KLF12: variants seen among roughly 807,000 people sequenced by gnomAD.
The protein encoded by KLF12 is Krueppel-like factor 12.
In KLF12, 9 loss-of-function variants were observed where a neutral mutation model predicts 37.8. The ratio of observed to expected loss-of-function variants is 0.24; its 90% CI spans 0.14 to 0.42. The LOEUF (loss-of-function observed/expected upper bound fraction) is 0.42. Ranked by LOEUF, KLF12 falls within the 10% of genes least tolerant of loss-of-function variation. KLF12 has a pLI of 1.00. For missense variants in KLF12, 411 were observed against 516.0 expected, an observed-to-expected ratio of 0.80 and a Z score of 1.97; for synonymous variants, 208 against 202.1, an observed-to-expected ratio of 1.03 and a Z score of -0.25.
chr13:73,989,154 T>C (rs1891899903), intron 2 of KLF12, among the ~76,000 whole-genome samples: 1 of 152,026 alleles, frequency 6.6e-6, no homozygotes. Context: ...TAAAACCCAC[T>C]GAAAAAGGGC....
chr13:74,018,143 A>C (rs1262675714), intron 1 of KLF12, among the ~76,000 whole-genome samples: 1 of 152,026 alleles, frequency 6.6e-6, no homozygotes, highest in Non-Finnish European at 1.5e-5. Context: ...AAAGAGGGAA[A>C]TCCTGCCATT....
the KLF12 span, among the ~76,000 whole-genome samples, chr13:74,140,673 G>A: frequency 1.3e-5 from 2 of 152,302 alleles, no homozygotes; most frequent in Admixed American, 6.5e-5. Flanking sequence ...ATGGGACATT[G>A]GTGGATGGGA....
chr13:73,698,835 T>C (rs150787336), intron 7 of KLF12, among the ~76,000 whole-genome samples: 24 of 152,288 alleles, frequency 1.6e-4, no homozygotes, highest in African/African-American at 5.5e-4. Flanking sequence ...TGGCCATCTC[T>C]GCTTTTTGTA....
chr13:73,962,744 CA>C (rs969089635), intron 2 of KLF12, among the ~76,000 whole-genome samples: 1 of 151,920 alleles, frequency 6.6e-6, no homozygotes, highest in South Asian at 2.1e-4. Flanking sequence ...CCATGGTCTC[CA>C]AAAAAAGCAG....
At chr13:74,265,916 T>C in the KLF12 span, among the ~76,000 whole-genome samples, 1 of 152,258 alleles carries the variant, frequency 6.6e-6, no homozygotes, top group African/African-American at 2.4e-5. Context: ...CATCAATGAC[T>C]GAAATGGTAG....
rs1024473541 is a variant in KLF12 at position 73,987,155 on chromosome 13, A to G, written c.33+7835T>C. 6.6e-5 allele frequency among the ~76,000 whole-genome samples: 10 copies of G among 152,320 alleles called. No homozygotes were observed. In the East Asian group the frequency reaches 9.6e-4, roughly 15 times the overall value. The stretch of plus-strand genomic sequence containing the variant: ...TCCATTAGACTATAAGATACACTGA[A>G]AAACTGATTACGTGTAAGACACAAA... On this transcript the variant is annotated intron_variant, in intron 2 of 7. Coordinates refer to ENST00000377669, the MANE Select transcript of KLF12 (RefSeq NM_007249.5).
intron 4 of KLF12, among the ~76,000 whole-genome samples, chr13:73,824,141 C>G (rs182982066): frequency 6.6e-4 from 101 of 152,088 alleles, no homozygotes; most frequent in African/African-American, 2.0e-3. Flanking sequence ...AAAAAAAAAC[C>G]CTATCAAAGT....
At chr13:73,709,497 A>G in intron 7 of KLF12, among the ~76,000 whole-genome samples, 1 of 152,198 alleles carries the variant, frequency 6.6e-6, no homozygotes, top group East Asian at 1.9e-4. Flanking sequence ...CCCTATAGAA[A>G]TAGTTTTGAT....
At chr13:74,185,180 C>G in the KLF12 span, among the ~76,000 whole-genome samples, 6 of 152,134 alleles carry the variant, frequency 3.9e-5, no homozygotes, top group African/African-American at 1.4e-4. Context: ...TTTCTTTAAG[C>G]TATGTTGCGA....
intron 6 of KLF12, among the ~76,000 whole-genome samples, chr13:73,753,974 T>C (rs753125692): frequency 6.6e-6 from 1 of 152,160 alleles, no homozygotes; most frequent in African/African-American, 2.4e-5. Flanking sequence ...CCATCATCAA[T>C]AGCATTCAAT....
At chr13:73,984,346 T>A (rs1249244330) in intron 2 of KLF12, among the ~76,000 whole-genome samples, 1 of 152,140 alleles carries the variant, frequency 6.6e-6, no homozygotes, top group Non-Finnish European at 1.5e-5. Context: ...ATGTGCCTGC[T>A]CTCCTCGCTG....
At chr13:73,981,021 G>T (rs1467208977) in intron 2 of KLF12, among the ~76,000 whole-genome samples, 2 of 152,070 alleles carry the variant, frequency 1.3e-5, no homozygotes, top group African/African-American at 2.4e-5. Context: ...TTAGCCGGGC[G>T]TGGTGATGCC....
chr13:73,748,739 G>A (rs1293843743), intron 6 of KLF12, among the ~76,000 whole-genome samples: 1 of 152,136 alleles, frequency 6.6e-6, no homozygotes, highest in Non-Finnish European at 1.5e-5. Flanking sequence ...GGAGCTCTGG[G>A]AGATATATTT....
At chr13:73,906,948 G>A (rs142590719) in intron 3 of KLF12, among the ~76,000 whole-genome samples, 2 of 152,218 alleles carry the variant, frequency 1.3e-5, no homozygotes, top group African/African-American at 2.4e-5. Context: ...AAATAGTGAT[G>A]TTTATATACA....
chr13:74,266,281 G>C, the KLF12 span, among the ~76,000 whole-genome samples: 1 of 152,158 alleles, frequency 6.6e-6, no homozygotes, highest in Non-Finnish European at 1.5e-5. Flanking sequence ...TCTCCAGTAA[G>C]TAACTAGTCC....
the KLF12 span, among the ~76,000 whole-genome samples, chr13:74,162,796 C>T: frequency 6.6e-6 from 1 of 152,208 alleles, no homozygotes; most frequent in Non-Finnish European, 1.5e-5. Flanking sequence ...CTTTGGAAAA[C>T]AGCCGGAGAT....
chr13:73,925,317 G>T (rs1198962043), intron 3 of KLF12, among the ~76,000 whole-genome samples: 2 of 152,200 alleles, frequency 1.3e-5, no homozygotes, highest in African/African-American at 4.8e-5. Context: ...ACTCTAAATT[G>T]AAGCCAGTGC....
At chr13:74,102,580 C>T (rs1316926107) in intron 1 of KLF12, among the ~76,000 whole-genome samples, 1 of 151,900 alleles carries the variant, frequency 6.6e-6, no homozygotes, top group Non-Finnish European at 1.5e-5. Flanking sequence ...GCCTGTAATC[C>T]CAGCTACTCA....
chr13:73,780,836 T>A (rs757913548), intron 5 of KLF12, among the ~76,000 whole-genome samples: 1 of 152,238 alleles, frequency 6.6e-6, no homozygotes, highest in East Asian at 1.9e-4. Context: ...GCTGTTTACA[T>A]TGCTGAAATG....
Sources: allele counts gnomAD v4.1 joint callset (sites outside exome capture counted in the v4.1 genomes callset), GRCh38; gene constraint gnomAD v4.1.1; transcripts MANE v1.5; gene names NCBI Gene and HGNC (gene_info 2026-07-23, HGNC 2026-07-21).